USP34: variants seen among roughly 807,000 people sequenced by gnomAD.
USP34 encodes the protein ubiquitin carboxyl-terminal hydrolase 34.
USP34 carries 70 observed loss-of-function variants against 460.3 expected under a neutral mutation model. The observed-to-expected ratio is 0.15, with a 90% CI of 0.13 to 0.19. The LOEUF is 0.19. Among genes scored for constraint, USP34 ranks in the 10% least tolerant of loss-of-function variants. The probability of loss-of-function intolerance (pLI) is 1.00; values close to 1 mark genes in which losing one functional copy is unlikely to be tolerated. For missense variants in USP34, 3,985 were observed against 4,236.2 expected (o/e 0.94, Z 1.65); for synonymous variants, 1,647 against 1,405.3 (o/e 1.17, Z -3.85).
At chr2:61,277,536 C>G (rs1689407097) in intron 41 of USP34, among the ~76,000 whole-genome samples, 2 of 152,176 alleles carry the variant, frequency 1.3e-5, no homozygotes, top group South Asian at 4.1e-4. Flanking sequence ...CGTGCCCAGC[C>G]TTAGGTTACC....
chr2:61,311,738 G>T, intron 26 of USP34, 46 bp downstream of exon 26: 1 of 1,609,950 alleles, frequency 6.2e-7, no homozygotes, highest in South Asian at 1.1e-5. Context: ...ACAGATATTT[G>T]ACCTGGGAAA....
At chr2:61,318,071 T>C (rs1465138857) in intron 22 of USP34, among the ~76,000 whole-genome samples, 3 of 151,118 alleles carry the variant, frequency 2.0e-5, no homozygotes, top group Non-Finnish European at 2.9e-5. Context: ...TGTGTGGCTG[T>C]AGTCCCAACT....
At chr2:61,283,344 G>A in intron 36 of USP34, 65 bp downstream of exon 36, 1 of 1,572,384 alleles carries the variant, frequency 6.4e-7, no homozygotes, top group Non-Finnish European at 8.6e-7. Context: ...AATATTAAAG[G>A]TAAAATATAT....
chr2:61,388,687 C>G, intron 5 of USP34, among the ~76,000 whole-genome samples: 1 of 151,404 alleles, frequency 6.6e-6, no homozygotes, highest in Non-Finnish European at 1.5e-5. Flanking sequence ...ACCCGCGAGG[C>G]AGAGCTTGCA....
chr2:61,254,763 C>G (rs907734487), intron 48 of USP34, among the ~76,000 whole-genome samples: 3 of 152,118 alleles, frequency 2.0e-5, no homozygotes, highest in Non-Finnish European at 4.4e-5. Flanking sequence ...CAAGACCAAC[C>G]TGGGGAACAT....
intron 1 of USP34, among the ~76,000 whole-genome samples, chr2:61,464,314 G>A (rs575100445): frequency 6.6e-6 from 1 of 152,126 alleles, no homozygotes; most frequent in Non-Finnish European, 1.5e-5. Flanking sequence ...GTGAGACTCC[G>A]TCTCAAAAAC....
chr2:61,465,778 C>T (rs909376733), intron 1 of USP34, among the ~76,000 whole-genome samples: 13 of 151,926 alleles, frequency 8.6e-5, no homozygotes, highest in African/African-American at 3.1e-4. Context: ...GAGATCGAGA[C>T]CATCCTGGCC....
intron 10 of USP34, among the ~76,000 whole-genome samples, chr2:61,364,757 C>A (rs971444989): frequency 9.2e-5 from 14 of 151,798 alleles, no homozygotes; most frequent in African/African-American, 3.1e-4. Flanking sequence ...GATGAAACCT[C>A]GTCACTATTA....
intron 41 of USP34, among the ~76,000 whole-genome samples, chr2:61,269,964 T>G (rs1035841117): frequency 6.6e-6 from 1 of 152,164 alleles, no homozygotes; most frequent in Non-Finnish European, 1.5e-5. Flanking sequence ...ACAAAAAAAA[T>G]TTTTTAACAA....
intron 2 of USP34, among the ~76,000 whole-genome samples, chr2:61,406,766 A>G (rs1693886111): frequency 6.6e-6 from 1 of 151,204 alleles, no homozygotes; most frequent in Admixed American, 6.6e-5. Context: ...GCACGTTGGG[A>G]GGCTGAGGCA....
chr2:61,255,018 AC>A (rs1445051639), intron 48 of USP34, among the ~76,000 whole-genome samples: 1 of 152,020 alleles, frequency 6.6e-6, no homozygotes, highest in African/African-American at 2.4e-5. Flanking sequence ...AATTTCTAAA[AC>A]TTTTTTAGCA....
intron 25 of USP34, among the ~76,000 whole-genome samples, chr2:61,314,223 T>A (rs1350545146): frequency 6.6e-6 from 1 of 152,016 alleles, no homozygotes; most frequent in Non-Finnish European, 1.5e-5. Flanking sequence ...ATGAGATTAT[T>A]TGATGTTCTT....
chr2:61,222,634 T>C lies in USP34; in HGVS notation c.7779A>G (p.Ala2593=), dbSNP rs146617368. Residue 2593 remains alanine, a synonymous_variant, in exon 65 of 80, where the codon GCA becomes GCG. Coordinates refer to ENST00000398571, the MANE Select transcript of USP34 (RefSeq NM_014709.4). ...GTTTACATACCTCAGGAGTCAACTT[T>C]GCTATTGATGTGAAAAGCATAGATA... The part of the protein sequence containing the change: ...HIVSMLFTSI[A]KLTPEAANPF... 153 of 1,612,550 alleles carry C rather than the reference T, an allele frequency of 9.5e-5. No homozygotes were observed. In the African/African-American group the frequency reaches 1.9e-3, roughly 20 times the overall value.
At chr2:61,439,969 C>G (rs919578973) in intron 1 of USP34, among the ~76,000 whole-genome samples, 1 of 152,058 alleles carries the variant, frequency 6.6e-6, no homozygotes, top group Admixed American at 6.5e-5. Context: ...CAGGGGCATC[C>G]TAGCCTAGTG....
chr2:61,309,021 G>A (rs1360272178), intron 27 of USP34, among the ~76,000 whole-genome samples: 1 of 151,808 alleles, frequency 6.6e-6, no homozygotes, highest in Non-Finnish European at 1.5e-5. Flanking sequence ...GGTGACAGAG[G>A]GAGACTATCT....
chr2:61,296,064 A>G (rs1690017690), intron 30 of USP34, among the ~76,000 whole-genome samples: 1 of 152,050 alleles, frequency 6.6e-6, no homozygotes, highest in African/African-American at 2.4e-5. Flanking sequence ...TTATAGATCA[A>G]CTTGGCCAAA....
intron 3 of USP34, among the ~76,000 whole-genome samples, chr2:61,402,157 A>C (rs944752309): frequency 2.0e-5 from 3 of 152,040 alleles, no homozygotes; most frequent in African/African-American, 4.8e-5. Context: ...GTGAATGCCT[A>C]GTGTCCAAGC....
At position 61,271,059 on chromosome 2, in the gene USP34, G is replaced by A. The variant is rs568697314; in HGVS notation, c.5434-4892C>T. On this transcript the variant is annotated intron_variant, in intron 41 of 79. Coordinates refer to ENST00000398571, the MANE Select transcript of USP34 (RefSeq NM_014709.4). Reference sequence around the variant, plus strand: ...AGCACACTGGGAGGCTAAGGTGGGCGGATCATCTGAGGTCAGGAATTCGAG... The same window carrying A: ...AGCACACTGGGAGGCTAAGGTGGGCAGATCATCTGAGGTCAGGAATTCGAG... Among the ~76,000 whole-genome samples the A allele has an allele frequency of 6.6e-5, 10 of 152,142 alleles. No individual in the cohort carries two copies. The East Asian group carries it at 1.2e-3, about 18-fold the overall frequency.
chr2:61,278,115 A>T (rs1235031782), intron 41 of USP34, 50 bp downstream of exon 41: 1 of 1,598,794 alleles, frequency 6.3e-7, no homozygotes, highest in South Asian at 1.1e-5. Context: ...TGTAACAACA[A>T]AAAATTTCAA....
Sources: allele counts gnomAD v4.1 joint callset (sites outside exome capture counted in the v4.1 genomes callset), GRCh38; gene constraint gnomAD v4.1.1; transcripts MANE v1.5; gene names NCBI Gene and HGNC (gene_info 2026-07-23, HGNC 2026-07-21).